SPACA7: variants seen among roughly 807,000 people sequenced by gnomAD.
SPACA7 encodes the protein sperm acrosome-associated protein 7.
SPACA7 carries 19 observed loss-of-function variants against 26.3 expected under a neutral mutation model. That is an observed-to-expected ratio of 0.72 (90% CI 0.50 to 1.06). SPACA7 has a LOEUF of 1.06. Ranked by LOEUF, SPACA7 falls within the 50% of genes least tolerant of loss-of-function variation. SPACA7 has a pLI of 0.00. For missense variants in SPACA7, 211 were observed against 229.9 expected (o/e 0.92, Z 0.53); for synonymous variants, 84 against 84.5 (o/e 0.99, Z 0.04).
chr13:112,423,715 TG>T (rs1876231520), intron 5 of SPACA7, among the ~76,000 whole-genome samples: 1 of 152,200 alleles, frequency 6.6e-6, no homozygotes, highest in Admixed American at 6.5e-5. Context: ...AATCACAGTA[TG>T]TTCTAAAGGA....
chr13:112,401,282 C>G, intron 5 of SPACA7, 118 bp downstream of exon 5: 1 of 711,450 alleles, frequency 1.4e-6, no homozygotes, highest in Non-Finnish European at 2.4e-6. Context: ...AGGTTTCCAC[C>G]AACATCATGG....
chr13:112,434,304 C>G (rs1347330952), intron 6 of SPACA7, among the ~76,000 whole-genome samples, 181 bp from the exon 7 acceptor site: 2 of 152,176 alleles, frequency 1.3e-5, no homozygotes, highest in Non-Finnish European at 2.9e-5. Context: ...CAAAGGCAGC[C>G]TGACGCAGCC....
chr13:112,382,354 T>A, intron 1 of SPACA7: 1 of 1,458,378 alleles, frequency 6.9e-7, no homozygotes, highest in Non-Finnish European at 9.1e-7. Context: ...CGCCTCAGCC[T>A]CCCAAAGTGC....
At chr13:112,395,843 A>T (rs1055539885) in intron 2 of SPACA7, among the ~76,000 whole-genome samples, 1 of 152,174 alleles carries the variant, frequency 6.6e-6, no homozygotes, top group African/African-American at 2.4e-5. Flanking sequence ...TTCAACCATC[A>T]GCAGTTAGAC....
At chr13:112,404,372 T>C (rs1463465869) in intron 5 of SPACA7, among the ~76,000 whole-genome samples, 1 of 152,240 alleles carries the variant, frequency 6.6e-6, no homozygotes, top group Non-Finnish European at 1.5e-5. Flanking sequence ...GTGGATTGTC[T>C]GTTCACTCTG....
intron 1 of SPACA7, among the ~76,000 whole-genome samples, chr13:112,390,898 A>G (rs1884844819): frequency 6.6e-6 from 1 of 152,236 alleles, no homozygotes; most frequent in Admixed American, 6.5e-5. Context: ...AGCAGAAGAC[A>G]GGAAACCCTC....
chr13:112,417,160 C>G (rs1032788664), intron 5 of SPACA7, among the ~76,000 whole-genome samples: 1 of 152,118 alleles, frequency 6.6e-6, no homozygotes, highest in Non-Finnish European at 1.5e-5. Context: ...CAAAATTAGA[C>G]TCACCTATTA....
intron 1 of SPACA7, among the ~76,000 whole-genome samples, chr13:112,390,474 C>G (rs1482740828): frequency 1.3e-5 from 2 of 152,180 alleles, no homozygotes; most frequent in African/African-American, 2.4e-5. Context: ...CCGAGAGCAG[C>G]ATTTTTGGCC....
chr13:112,418,808 A>G (rs1180320515), intron 5 of SPACA7, among the ~76,000 whole-genome samples: 1 of 152,180 alleles, frequency 6.6e-6, no homozygotes, highest in East Asian at 1.9e-4. Flanking sequence ...CTGATAGAGC[A>G]TTTGACATAA....
chr13:112,397,256 TTC>T (rs1460243298), intron 2 of SPACA7, among the ~76,000 whole-genome samples: 3 of 152,180 alleles, frequency 2.0e-5, no homozygotes, highest in African/African-American at 7.2e-5. Context: ...GAGGAGCTTC[TTC>T]TTGAGGGACT....
Position 112,376,739 on chromosome 13 carries a change from G to A in SPACA7, c.94+260G>A, listed in dbSNP as rs9577349. 0.025 allele frequency among the ~76,000 whole-genome samples: 3,745 copies of A among 151,964 alleles called. 233 individuals carry two copies. In the East Asian group the frequency reaches 0.28, roughly 11 times the overall value. ...ACTGGGAAGAATATCATGAACCTTC[G>A]TGTATTCACCCTCAGGTTCAATTAT... On this transcript the variant is annotated intron_variant, in intron 1 of 6. Transcript: ENST00000283550.
At chr13:112,417,238 T>C (rs2139030223) in intron 5 of SPACA7, among the ~76,000 whole-genome samples, 1 of 152,276 alleles carries the variant, frequency 6.6e-6, no homozygotes, top group South Asian at 2.1e-4. Flanking sequence ...ATGCTGCTGT[T>C]GTTTTCTTCA....
intron 6 of SPACA7, 138 bp downstream of exon 6, chr13:112,432,659 G>A (rs1877276716): frequency 3.1e-6 from 2 of 647,620 alleles, no homozygotes; most frequent in African/African-American, 3.6e-5. Flanking sequence ...CTCCACAGGA[G>A]CCCCTGTCCA....
At chr13:112,383,165 GAAAGAAAGAAAGAAAGAAAGAA>G (rs1884289489) in intron 1 of SPACA7, among the ~76,000 whole-genome samples, 1 of 117,452 alleles carries the variant, frequency 8.5e-6, no homozygotes, top group Non-Finnish European at 1.8e-5. Context: ...AAGAAAGAAA[GAAAGAAAGAAAGAAAGAAAGAA>G]AGAAAGAAAA....
At chr13:112,418,051 A>G (rs1886803088) in intron 5 of SPACA7, among the ~76,000 whole-genome samples, 2 of 152,334 alleles carry the variant, frequency 1.3e-5, no homozygotes, top group African/African-American at 4.8e-5. Flanking sequence ...CATAGTCCTT[A>G]GTCACATGGA....
In SPACA7 at chr13:112,431,882, G is replaced by A. The variant is rs558246612; in HGVS notation, c.446-562G>A. ...CCCAACAGCTGCAGAAGCTGGGGCC[G>A]GTTTGGGGGGACTTGGAGCCACTCC... On this transcript the variant is annotated intron_variant, in intron 5 of 6. Transcript: ENST00000283550. Among the ~76,000 whole-genome samples the A allele has an allele frequency of 2.9e-3, 444 of 152,340 alleles. 1 individual carries two copies. The highest frequency in any genetic ancestry group is 0.014 in the Middle Eastern group (4 of 294).
intron 5 of SPACA7, among the ~76,000 whole-genome samples, chr13:112,402,466 A>T (rs1171675479): frequency 6.6e-6 from 1 of 152,182 alleles, no homozygotes; most frequent in South Asian, 2.1e-4. Flanking sequence ...CTGTATTATC[A>T]TCTGTTAAAT....
At chr13:112,380,743 C>T (rs1044971610) in intron 1 of SPACA7, among the ~76,000 whole-genome samples, 1 of 152,186 alleles carries the variant, frequency 6.6e-6, no homozygotes, top group Non-Finnish European at 1.5e-5. Flanking sequence ...ATCACATAAG[C>T]TTTCTTATCA....
chr13:112,414,263 ACT>A (rs35135321), intron 5 of SPACA7, among the ~76,000 whole-genome samples: 36,786 of 150,966 alleles, frequency 0.24, 4,686 homozygotes, highest in South Asian at 0.37. Flanking sequence ...CTGTTGAGAC[ACT>A]CTGATTAATT....
Sources: gnomAD v4.1 joint callset for allele counts (sites outside exome capture counted in the v4.1 genomes callset) on GRCh38, gnomAD v4.1.1 for gene constraint, MANE v1.5 for transcripts, NCBI Gene and HGNC (gene_info 2026-07-23, HGNC 2026-07-21) for gene names.